Variants in UBE2W observed in about 807,000 individuals in gnomAD.
UBE2W encodes ubiquitin conjugating enzyme E2 W.
UBE2W carries 18 observed loss-of-function variants against 27.2 expected under a neutral mutation model. The observed-to-expected ratio is 0.66, with a 90% confidence interval of 0.46 to 0.98. The LOEUF (loss-of-function observed/expected upper bound fraction) is 0.98, where lower values mean the gene tolerates loss of function less well. Ranked by LOEUF, UBE2W falls within the 50% of genes least tolerant of loss-of-function variation. UBE2W has a pLI of 0.00. For missense variants in UBE2W, 90 were observed against 180.2 expected, an observed-to-expected ratio of 0.50 and a Z score of 2.87; for synonymous variants, 53 against 57.2, an observed-to-expected ratio of 0.93 and a Z score of 0.33.
At chr8:73,818,382 C>A (rs1468609046) in intron 3 of UBE2W, among the ~76,000 whole-genome samples, 1 of 152,196 alleles carries the variant, frequency 6.6e-6, no homozygotes. Flanking sequence ...ATCTGATCTC[C>A]CTGCACCTTT....
intron 4 of UBE2W, among the ~76,000 whole-genome samples, chr8:73,806,243 T>C (rs1808900887): frequency 6.6e-6 from 1 of 152,062 alleles, no homozygotes; most frequent in African/African-American, 2.4e-5. Context: ...AATTTAAACA[T>C]AGCCGGGCGC....
rs375372994 is a variant in UBE2W, at chr8:73,810,462, G to A, written c.366+12C>T. 2.5e-6 allele frequency: 4 copies of A among 1,603,344 alleles called. No individual in the cohort carries two copies. The highest frequency in any genetic ancestry group is 3.4e-6 in the Non-Finnish European group (4 of 1,176,420). On this transcript the variant is annotated intron_variant, in intron 4 of 5. Coordinates refer to ENST00000602593, the MANE Select transcript of UBE2W (RefSeq NM_018299.6). ...AAGAGATATTATCTGGAATAATTCT[G>A]AAAAGTCTTACCTTTTCCTTGCAGC...
chr8:73,851,491 C>A (rs1811078566), intron 1 of UBE2W, among the ~76,000 whole-genome samples: 1 of 152,100 alleles, frequency 6.6e-6, no homozygotes. Context: ...ATTAAAATCA[C>A]CCCTTAATCT....
At chr8:73,829,267 G>A (rs928305282) in intron 2 of UBE2W, among the ~76,000 whole-genome samples, 1 of 152,042 alleles carries the variant, frequency 6.6e-6, no homozygotes, top group Non-Finnish European at 1.5e-5. Flanking sequence ...GATGAAAGAA[G>A]AAGTAATCTC....
intron 1 of UBE2W, among the ~76,000 whole-genome samples, chr8:73,834,545 G>A (rs1810224905): frequency 6.6e-6 from 1 of 152,204 alleles, no homozygotes; most frequent in African/African-American, 2.4e-5. Flanking sequence ...AGGGGGCTGA[G>A]GCAGGAGAAT....
chr8:73,831,286 G>A, intron 1 of UBE2W: 2 of 227,634 alleles, frequency 8.8e-6, no homozygotes, highest in Non-Finnish European at 1.7e-5. Flanking sequence ...ATTTTGTTTT[G>A]GCTAGCATGT....
rs186373769 is a variant in UBE2W at position 73,790,722 on chromosome 8, A to G, written c.*3380T>C. The G allele has an allele frequency of 1.8e-4, 173 of 976,330 alleles. No homozygotes were observed. The highest frequency in any genetic ancestry group is 2.1e-4 in the Non-Finnish European group (171 of 821,714). 60.5% of individuals were successfully genotyped at this position (976,330 alleles called of 1,614,324 possible). ...CAAGTTTTAAATATCTCAATTCTGAAAAACAATAGGCTTTTAAAAAATAAG... is the reference window on the plus strand; with the variant it reads ...CAAGTTTTAAATATCTCAATTCTGAGAAACAATAGGCTTTTAAAAAATAAG... On this transcript the variant is annotated 3_prime_UTR_variant, in exon 6 of 6. Coordinates refer to ENST00000602593, the MANE Select transcript of UBE2W (RefSeq NM_018299.6).
intron 1 of UBE2W, chr8:73,832,001 T>C (rs1219247945): frequency 6.6e-6 from 1 of 151,970 alleles, no homozygotes; most frequent in Non-Finnish European, 1.5e-5. Context: ...CTACGTGTGG[T>C]GGCTCATGAA....
chr8:73,824,047 TAG>T (rs1026233776), intron 3 of UBE2W, among the ~76,000 whole-genome samples: 2 of 152,204 alleles, frequency 1.3e-5, no homozygotes, highest in Admixed American at 6.5e-5. Flanking sequence ...CTAGCAATAC[TAG>T]AGAGAGCTGG....
Position 73,787,402 on chromosome 8 carries a change from G to A in UBE2W, c.*6700C>T. 1 of 985,386 alleles carries A rather than the reference G, an allele frequency of 1.0e-6. No homozygotes were observed. The highest frequency in any genetic ancestry group is 1.2e-6 in the Non-Finnish European group (1 of 829,910). The allele number at this position is 985,386 out of a possible 1,614,324, so 61.0% of individuals were successfully genotyped here. On this transcript the variant is annotated 3_prime_UTR_variant, in exon 6 of 6. Transcript: ENST00000602593. ...TGGAGAAAAGTCAAATCCTACTATG[G>A]AAAGTAGAAATTAAGGATTATAATA...
downstream of UBE2W, among the ~76,000 whole-genome samples, chr8:73,783,325 TTTA>T (rs1483530677): frequency 2.6e-5 from 4 of 152,198 alleles, no homozygotes; most frequent in African/African-American, 9.7e-5. Flanking sequence ...TTTTTGAAGT[TTTA>T]TTGTTTTTGC....
chr8:73,876,022 A>G (rs1368866554), intron 1 of UBE2W, among the ~76,000 whole-genome samples: 4 of 152,172 alleles, frequency 2.6e-5, no homozygotes, highest in African/African-American at 9.7e-5. Flanking sequence ...ACTGCACTCC[A>G]GCCTGAGCAA....
intron 2 of UBE2W, among the ~76,000 whole-genome samples, chr8:73,828,032 T>C (rs1338594458): frequency 1.3e-5 from 2 of 152,320 alleles, no homozygotes. Context: ...CTGCATTTTG[T>C]GCACACTTAA....
At position 73,788,758 on chromosome 8, in the gene UBE2W, A is replaced by T; in HGVS notation, c.*5344T>A. The T allele has an allele frequency of 2.0e-6, 2 of 985,414 alleles. No homozygotes were observed. Among genetic ancestry groups the T allele is most frequent in the Non-Finnish European group, 2.4e-6 (2 of 829,922 alleles). 61.0% of individuals were successfully genotyped at this position (985,414 alleles called of 1,614,324 possible). On this transcript the variant is annotated 3_prime_UTR_variant, in exon 6 of 6. Transcript: ENST00000602593. ...TAGGACCAATGAGAAAACAACTTAG[A>T]ATCGTTGTAGGACCATCCTTTTCTC...
At chr8:73,840,972 C>T (rs1810512735) in intron 1 of UBE2W, among the ~76,000 whole-genome samples, 1 of 151,950 alleles carries the variant, frequency 6.6e-6, no homozygotes, top group South Asian at 2.1e-4. Context: ...GGTAGAAATC[C>T]TCATTCAGGG....
downstream of UBE2W, among the ~76,000 whole-genome samples, chr8:73,781,823 C>T (rs144934548): frequency 3.7e-3 from 558 of 151,692 alleles, 2 homozygotes; most frequent in Non-Finnish European, 5.8e-3. Context: ...AGCTCCATCA[C>T]ATTTAAAGTG....
At chr8:73,814,621 T>C (rs965525719) in intron 3 of UBE2W, among the ~76,000 whole-genome samples, 3 of 152,160 alleles carry the variant, frequency 2.0e-5, no homozygotes, top group Admixed American at 2.0e-4. Context: ...TGGGTTCATA[T>C]GATTCTCCTG....
rs751378903 is a variant in UBE2W, at chr8:73,853,442, T to A, written c.16-22970A>T. On this transcript the variant is annotated intron_variant, in intron 1 of 5. Transcript: ENST00000602593. ...CCATGCCCAGCTAGTTTATTTTTTA[T>A]AGAGACAGGGTCTTGCTATATTGCC... Among the ~76,000 whole-genome samples, 17 of 152,274 alleles carry A rather than the reference T, an allele frequency of 1.1e-4. 1 individual carries two copies. The South Asian group carries it at 2.7e-3, about 24-fold the overall frequency.
At chr8:73,858,712 G>A (rs1017089258) in intron 1 of UBE2W, among the ~76,000 whole-genome samples, 13 of 143,552 alleles carry the variant, frequency 9.1e-5, no homozygotes, top group African/African-American at 3.3e-4. Flanking sequence ...GCAGCAGCTA[G>A]TACCTTTTAA....
Sources: gnomAD v4.1 joint callset for allele counts (sites outside exome capture counted in the v4.1 genomes callset) on GRCh38, gnomAD v4.1.1 for gene constraint, MANE v1.5 for transcripts, NCBI Gene and HGNC (gene_info 2026-07-23, HGNC 2026-07-21) for gene names.